Variants in FBXW11 observed in about 807,000 individuals in gnomAD.
FBXW11 encodes F-box and WD repeat domain containing 11.
FBXW11 carries 19 observed loss-of-function variants against 77.6 expected under a neutral mutation model. The ratio of observed to expected loss-of-function variants is 0.24; its 90% CI spans 0.17 to 0.36. The LOEUF is 0.36. Among genes scored for constraint, FBXW11 ranks in the 10% least tolerant of loss-of-function variants. The pLI is 1.00. For missense variants in FBXW11, 334 were observed against 704.2 expected (o/e 0.47, Z 5.95); for synonymous variants, 235 against 249.4 (o/e 0.94, Z 0.54).
rs897774880 is a variant in FBXW11 at position 172,006,588 on chromosome 5, G to A, written c.-86C>T. The stretch of plus-strand genomic sequence containing the variant: ...AGGCGACGGCGGAGGCGGCAGAGGC[G>A]GAGGCGGCTATCGCACCCACTCTAG... On this transcript the variant is annotated 5_prime_UTR_variant, in exon 1 of 14. Coordinates refer to ENST00000517395, the MANE Select transcript of FBXW11 (RefSeq NM_001378974.1). 3.6e-6 allele frequency: 5 copies of A among 1,402,546 alleles called. No homozygotes were observed. Among genetic ancestry groups the A allele is most frequent in the African/African-American group, 1.5e-5 (1 of 66,384 alleles). The allele number at this position is 1,402,546 out of a possible 1,614,324, so 86.9% of individuals were successfully genotyped here. A position where few individuals can be genotyped will look rare whatever the true frequency, so the allele number is the denominator to read the frequency against.
intron 1 of FBXW11, among the ~76,000 whole-genome samples, chr5:172,004,191 A>C (rs1766588366): frequency 6.6e-6 from 1 of 152,230 alleles, no homozygotes; most frequent in South Asian, 2.1e-4. Flanking sequence ...GATTTACTCA[A>C]TCAGTTGTTA....
chr5:171,913,818 TACAC>T (rs1161644281), intron 3 of FBXW11, among the ~76,000 whole-genome samples: 1,855 of 65,260 alleles, frequency 0.028, 44 homozygotes, highest in Middle Eastern at 0.091. Flanking sequence ...CACACACACA[TACAC>T]ACACACACAC....
chr5:171,997,492 T>A (rs1032139186), intron 1 of FBXW11, among the ~76,000 whole-genome samples: 3 of 152,258 alleles, frequency 2.0e-5, no homozygotes, highest in African/African-American at 7.2e-5. Flanking sequence ...AGATATTTAT[T>A]TACGTACCTA....
chr5:171,905,962 G>C (rs1760490500), intron 4 of FBXW11, among the ~76,000 whole-genome samples: 1 of 152,136 alleles, frequency 6.6e-6, no homozygotes, highest in African/African-American at 2.4e-5. Flanking sequence ...ACACAGTGCT[G>C]AAGACATGCT....
At chr5:171,929,332 T>G (rs902666577) in intron 2 of FBXW11, among the ~76,000 whole-genome samples, 2 of 152,062 alleles carry the variant, frequency 1.3e-5, no homozygotes, top group Non-Finnish European at 2.9e-5. Flanking sequence ...ATCGCACCAC[T>G]GCACTACAGC....
chr5:171,954,782 TTTTTC>T (rs1184269823), intron 2 of FBXW11, among the ~76,000 whole-genome samples: 7 of 152,150 alleles, frequency 4.6e-5, no homozygotes, highest in Admixed American at 6.5e-5. Flanking sequence ...ATTTGGCAGG[TTTTTC>T]TTTTCTTATT....
In FBXW11 at chr5:171,996,338, A is replaced by G. The variant is rs532228792; in HGVS notation, c.45+10120T>C. On this transcript the variant is annotated intron_variant, in intron 1 of 13. Coordinates refer to ENST00000517395, the MANE Select transcript of FBXW11 (RefSeq NM_001378974.1). Reference sequence around the variant, plus strand: ...TATGTCTCTGTTTACTGTATTTCCTATTAGACTATGAATAAAAACTATTTG... The same window carrying G: ...TATGTCTCTGTTTACTGTATTTCCTGTTAGACTATGAATAAAAACTATTTG... Among the ~76,000 whole-genome samples, 16 of 152,310 alleles carry G rather than the reference A, an allele frequency of 1.1e-4. No homozygotes were observed. The South Asian group carries it at 3.3e-3, about 32-fold the overall frequency.
chr5:171,893,758 T>A (rs1402943850), intron 6 of FBXW11, among the ~76,000 whole-genome samples: 1 of 152,178 alleles, frequency 6.6e-6, no homozygotes, highest in Non-Finnish European at 1.5e-5. Flanking sequence ...ACAGAATGTA[T>A]GATGTCATAT....
chr5:171,998,704 G>A (rs1389687481), intron 1 of FBXW11, among the ~76,000 whole-genome samples: 1 of 150,830 alleles, frequency 6.6e-6, no homozygotes, highest in Non-Finnish European at 1.5e-5. Context: ...GGCTGAGGAA[G>A]GAGAATCACT....
intron 2 of FBXW11, among the ~76,000 whole-genome samples, chr5:171,920,012 C>T (rs543380875): frequency 1.3e-5 from 2 of 152,084 alleles, no homozygotes; most frequent in Non-Finnish European, 2.9e-5. Context: ...AAAAATTAGC[C>T]AGGCATGGTG....
intron 2 of FBXW11, among the ~76,000 whole-genome samples, chr5:171,947,542 A>T (rs1009328956): frequency 5.0e-4 from 70 of 138,944 alleles, no homozygotes; most frequent in Admixed American, 5.7e-4. Flanking sequence ...CTCAATTATT[A>T]AAAAAAAAAA....
chr5:171,868,874 G>T, intron 12 of FBXW11, 78 bp from the exon 13 acceptor site: 19 of 1,338,286 alleles, frequency 1.4e-5, no homozygotes, highest in East Asian at 2.6e-5. Flanking sequence ...CTGGGCAGAA[G>T]ATGAAAATGC....
intron 1 of FBXW11, among the ~76,000 whole-genome samples, chr5:171,966,335 T>A (rs1467244126): frequency 2.0e-5 from 3 of 151,568 alleles, no homozygotes; most frequent in Non-Finnish European, 2.9e-5. Context: ...CCTGAGGAAA[T>A]CCAAAGGAAA....
At position 171,876,291 on chromosome 5, in the gene FBXW11, G is replaced by A. The variant is rs1335398790; in HGVS notation, c.1215C>T (p.Thr405=). The A allele has an allele frequency of 6.2e-7, 1 of 1,614,144 alleles. No individual in the cohort carries two copies. The highest frequency in any genetic ancestry group is 1.3e-5 in the African/African-American group (1 of 75,050). The part of the protein sequence containing the change: ...KYIVSASGDR[T]IKVWSTSTCE... Reference sequence around the variant, plus strand: ...TGACTGCAGACATACTTACTTTGATGGTCCTGTCACCAGAGGCAGACACGA... The same window carrying A: ...TGACTGCAGACATACTTACTTTGATAGTCCTGTCACCAGAGGCAGACACGA... The change falls in exon 9 of 14, where the codon ACC becomes ACT. Residue 405 remains threonine (T), a synonymous_variant. Coordinates refer to ENST00000517395, the MANE Select transcript of FBXW11 (RefSeq NM_001378974.1). The surrounding 1 kb of genome is among the most constrained non-coding windows in gnomAD (Gnocchi z 4.2).
chr5:171,939,696 CAAAAAAAAAAAA>C (rs58051402), intron 2 of FBXW11, among the ~76,000 whole-genome samples: 4 of 80,048 alleles, frequency 5.0e-5, no homozygotes, highest in South Asian at 4.9e-4. Context: ...GACCCTGTCT[CAAAAAAAAAAAA>C]AAAAAAAAAA....
intron 2 of FBXW11, among the ~76,000 whole-genome samples, chr5:171,932,519 A>G (rs1762262851): frequency 6.6e-6 from 1 of 152,186 alleles, no homozygotes; most frequent in African/African-American, 2.4e-5. Flanking sequence ...AAATTCTGTT[A>G]CATGTATATA....
At chr5:171,899,393 C>A (rs908499899) in intron 5 of FBXW11, among the ~76,000 whole-genome samples, 6 of 152,146 alleles carry the variant, frequency 3.9e-5, no homozygotes, top group Non-Finnish European at 8.8e-5. Flanking sequence ...TAACTTAGTA[C>A]ACATCAAACT....
intron 2 of FBXW11, among the ~76,000 whole-genome samples, chr5:171,952,827 G>A (rs1763416561): frequency 1.3e-5 from 2 of 151,632 alleles, no homozygotes; most frequent in Non-Finnish European, 2.9e-5. Flanking sequence ...ACACAAATTC[G>A]TAAACTTTCT....
chr5:171,972,973 G>A (rs1764618556), intron 1 of FBXW11, among the ~76,000 whole-genome samples: 1 of 152,248 alleles, frequency 6.6e-6, no homozygotes, highest in Non-Finnish European at 1.5e-5. Flanking sequence ...TAAATAAACT[G>A]TGTAGGCTTT....
Sources: allele counts gnomAD v4.1 joint callset (sites outside exome capture counted in the v4.1 genomes callset), GRCh38; gene constraint gnomAD v4.1.1; non-coding constraint Gnocchi (gnomAD v3.1); transcripts MANE v1.5; gene names NCBI Gene and HGNC (gene_info 2026-07-23, HGNC 2026-07-21).